EGFLAM: variants seen among roughly 807,000 people sequenced by gnomAD.
EGFLAM encodes EGF like, fibronectin type III and laminin G domains.
In EGFLAM, 79 loss-of-function variants were observed where a neutral mutation model predicts 113.1. The ratio of observed to expected loss-of-function variants is 0.70; its 90% CI spans 0.58 to 0.84. EGFLAM has a LOEUF of 0.84. EGFLAM is among the 40% of genes least tolerant of loss of function. The pLI, the probability that EGFLAM is intolerant of heterozygous loss-of-function variation, is 0.00. For missense variants in EGFLAM, 1,265 were observed against 1,291.6 expected, an observed-to-expected ratio of 0.98 and a Z score of 0.32; for synonymous variants, 504 against 487.6, an observed-to-expected ratio of 1.03 and a Z score of -0.44.
intron 6 of EGFLAM, among the ~76,000 whole-genome samples, chr5:38,386,373 A>G (rs4869584): frequency 0.14 from 21,104 of 152,010 alleles, 1,939 homozygotes; most frequent in African/African-American, 0.26. Context: ...TTGTATTTTT[A>G]GTAGAAACAG....
intron 1 of EGFLAM, among the ~76,000 whole-genome samples, chr5:38,311,100 C>G (rs192138539): frequency 6.6e-6 from 1 of 152,062 alleles, no homozygotes; most frequent in East Asian, 1.9e-4. Flanking sequence ...TAAAAATTGA[C>G]AAAGATTATA....
At chr5:38,383,673 C>T (rs1740576137) in intron 6 of EGFLAM, among the ~76,000 whole-genome samples, 1 of 152,086 alleles carries the variant, frequency 6.6e-6, no homozygotes. Flanking sequence ...GTCTGTATCA[C>T]ATTATATTAC....
chr5:38,350,951 G>A (rs762903825), intron 4 of EGFLAM, among the ~76,000 whole-genome samples: 1 of 152,126 alleles, frequency 6.6e-6, no homozygotes, highest in Non-Finnish European at 1.5e-5. Flanking sequence ...GAAGGGGAGT[G>A]GGAGAAGAGA....
chr5:38,424,932 G>T, intron 12 of EGFLAM, 35 bp from the exon 13 acceptor site: 1 of 1,610,166 alleles, frequency 6.2e-7, no homozygotes, highest in African/African-American at 1.3e-5. Flanking sequence ...GGCACACATG[G>T]AGGATTGGCT....
At chr5:38,370,016 A>T (rs150816387) in intron 5 of EGFLAM, among the ~76,000 whole-genome samples, 1 of 152,340 alleles carries the variant, frequency 6.6e-6, no homozygotes, top group African/African-American at 2.4e-5. Context: ...CTATGTGAAG[A>T]TCTTTTCATC....
At chr5:38,441,593 T>TACACAC (rs3048229) in intron 17 of EGFLAM, among the ~76,000 whole-genome samples, 2,320 of 147,610 alleles carry the variant, frequency 0.016, 50 homozygotes, top group African/African-American at 0.05. Context: ...CGCTGCTTTG[T>TACACAC]ACACACACAC....
chr5:38,337,823 C>G (rs1483031507), intron 2 of EGFLAM, among the ~76,000 whole-genome samples, 194 bp downstream of exon 2: 1 of 152,208 alleles, frequency 6.6e-6, no homozygotes, highest in African/African-American at 2.4e-5. Context: ...ATCTGCATTA[C>G]TCACTTAGGA....
At chr5:38,413,110 C>G (rs950253226) in intron 11 of EGFLAM, among the ~76,000 whole-genome samples, 2 of 152,022 alleles carry the variant, frequency 1.3e-5, no homozygotes, top group African/African-American at 4.8e-5. Flanking sequence ...CAGCCTCTAC[C>G]TCCCTGGTTC....
intron 19 of EGFLAM, among the ~76,000 whole-genome samples, chr5:38,453,649 C>T (rs982063278): frequency 1.2e-4 from 19 of 152,140 alleles, no homozygotes; most frequent in Non-Finnish European, 2.4e-4. Flanking sequence ...AGGTTGAACA[C>T]GGAGCTCTTC....
At position 38,426,254 on chromosome 5, in the gene EGFLAM, CAT is replaced by C. The variant is rs534059969; in HGVS notation, c.1811-754_1811-753del. Among the ~76,000 whole-genome samples, 48 of 151,334 alleles carry C rather than the reference CAT, an allele frequency of 3.2e-4. No individual in the cohort carries two copies. In the South Asian group the frequency reaches 6.4e-3, roughly 20 times the overall value. The stretch of plus-strand genomic sequence containing the variant: ...ATGTAAATATATATACATGCACACA[CAT>C]GTGTATATAAACATGGAAACACATG... On this transcript the variant is annotated intron_variant, in intron 13 of 21. Transcript: ENST00000322350.
At chr5:38,279,235 T>A (rs573774610) in intron 1 of EGFLAM, among the ~76,000 whole-genome samples, 1 of 152,162 alleles carries the variant, frequency 6.6e-6, no homozygotes, top group African/African-American at 2.4e-5. Context: ...TTTGTGAGGA[T>A]GTGGAGAAAA....
At chr5:38,320,214 A>C (rs1246634143) in intron 1 of EGFLAM, among the ~76,000 whole-genome samples, 2 of 152,188 alleles carry the variant, frequency 1.3e-5, no homozygotes, top group Admixed American at 1.3e-4. Flanking sequence ...TAATTTTCCC[A>C]TCATTAAAAT....
chr5:38,422,769 C>T (rs939716239), intron 12 of EGFLAM, among the ~76,000 whole-genome samples: 2 of 152,164 alleles, frequency 1.3e-5, no homozygotes, highest in Non-Finnish European at 2.9e-5. Context: ...CTATTGGTCA[C>T]AACTCACAAG....
At chr5:38,443,189 C>T (rs1193879836) in intron 17 of EGFLAM, among the ~76,000 whole-genome samples, 3 of 152,130 alleles carry the variant, frequency 2.0e-5, no homozygotes, top group Admixed American at 6.5e-5. Flanking sequence ...TCACTTAAAC[C>T]CGGGAGGCAG....
intron 20 of EGFLAM, among the ~76,000 whole-genome samples, chr5:38,460,736 G>GA (rs1291704265): frequency 6.6e-6 from 1 of 152,198 alleles, no homozygotes; most frequent in Admixed American, 6.5e-5. Flanking sequence ...TTCTCAGGGG[G>GA]AACTGGGTCA....
At chr5:38,383,217 A>G (rs1740562235) in intron 6 of EGFLAM, among the ~76,000 whole-genome samples, 1 of 152,238 alleles carries the variant, frequency 6.6e-6, no homozygotes. Context: ...CACAAACAAA[A>G]ACAGATATTT....
In EGFLAM at chr5:38,270,449, GGGAATTCCCAATT is replaced by G. The variant is rs548173261; in HGVS notation, c.97+11601_97+11613del. 2.8e-4 allele frequency among the ~76,000 whole-genome samples: 42 copies of G among 151,856 alleles called. 1 individual carries two copies. In the East Asian group the frequency reaches 7.8e-3, roughly 28 times the overall value. The stretch of plus-strand genomic sequence containing the variant: ...TTCTCAAACATCTCTTTGATGTTCT[GGGAATTCCCAATT>G]GGTGTAGTTAAATAAACCATTAGTT... On this transcript the variant is annotated intron_variant, in intron 1 of 21. Transcript: ENST00000322350.
chr5:38,305,049 G>T (rs1579749868), intron 1 of EGFLAM, among the ~76,000 whole-genome samples: 1 of 152,022 alleles, frequency 6.6e-6, no homozygotes, highest in African/African-American at 2.4e-5. Flanking sequence ...GCAAAAAGGA[G>T]AGAAAAGAAA....
chr5:38,310,986 G>T (rs1399468158), intron 1 of EGFLAM, among the ~76,000 whole-genome samples: 1 of 151,962 alleles, frequency 6.6e-6, no homozygotes, highest in Non-Finnish European at 1.5e-5. Context: ...CCACTGCCCT[G>T]CGACCCTTCC....
Sources: gnomAD v4.1 joint callset for allele counts (sites outside exome capture counted in the v4.1 genomes callset) on GRCh38, gnomAD v4.1.1 for gene constraint, MANE v1.5 for transcripts, NCBI Gene and HGNC (gene_info 2026-07-23, HGNC 2026-07-21) for gene names.